Variants in CNBD1 observed in about 807,000 individuals in gnomAD.
CNBD1 encodes the protein cyclic nucleotide-binding domain-containing protein 1.
CNBD1 carries 71 observed loss-of-function variants against 54.4 expected under a neutral mutation model. The observed-to-expected ratio is 1.30, with a 90% CI of 1.08 to 1.59. The LOEUF (loss-of-function observed/expected upper bound fraction) is 1.59. Among genes scored for constraint, CNBD1 ranks in the 40% most tolerant of loss-of-function variants. CNBD1 has a pLI of 0.00. For missense variants in CNBD1, 659 were observed against 518.0 expected (o/e 1.27, Z -2.64); for synonymous variants, 182 against 170.7 (o/e 1.07, Z -0.51).
intron 8 of CNBD1, among the ~76,000 whole-genome samples, chr8:87,317,781 T>A (rs1809422938): frequency 6.6e-6 from 1 of 152,002 alleles, no homozygotes; most frequent in Admixed American, 6.6e-5. Context: ...AAATTACATC[T>A]TCAAATGCCT....
intron 3 of CNBD1, among the ~76,000 whole-genome samples, chr8:86,938,022 A>C (rs1809582147): frequency 6.6e-6 from 1 of 152,188 alleles, no homozygotes; most frequent in Admixed American, 6.5e-5. Context: ...AATGCATTTA[A>C]TAGCACCCAA....
At chr8:87,225,408 T>A (rs1342003414) in intron 5 of CNBD1, among the ~76,000 whole-genome samples, 2 of 152,086 alleles carry the variant, frequency 1.3e-5, no homozygotes, top group Admixed American at 6.5e-5. Flanking sequence ...TTTTGAAATA[T>A]GTCCCATCAA....
At chr8:87,008,854 T>C (rs915136744) in intron 4 of CNBD1, among the ~76,000 whole-genome samples, 48 of 152,206 alleles carry the variant, frequency 3.2e-4, no homozygotes, top group African/African-American at 1.2e-3. Flanking sequence ...AGTAGTTTGC[T>C]TGGGTACAAA....
intron 4 of CNBD1, among the ~76,000 whole-genome samples, chr8:87,056,994 C>T (rs531368129): frequency 2.0e-5 from 3 of 152,246 alleles, no homozygotes; most frequent in African/African-American, 7.2e-5. Flanking sequence ...GATTTGCTTC[C>T]AACCAAAAGA....
At chr8:87,402,277 C>T (rs1807578340) in intron 2 of CNBD1, among the ~76,000 whole-genome samples, 3 of 151,876 alleles carry the variant, frequency 2.0e-5, no homozygotes, top group Non-Finnish European at 2.9e-5. Context: ...ATTATGGGAG[C>T]TATAAGTCAA....
At chr8:86,968,501 A>T (rs1208508836) in intron 4 of CNBD1, among the ~76,000 whole-genome samples, 5 of 152,180 alleles carry the variant, frequency 3.3e-5, no homozygotes, top group Admixed American at 6.5e-5. Context: ...GACTAAGGCA[A>T]CTCTCAATCA....
At chr8:86,928,998 G>A (rs75467837) in intron 3 of CNBD1, among the ~76,000 whole-genome samples, 44 of 152,218 alleles carry the variant, frequency 2.9e-4, no homozygotes, top group East Asian at 1.5e-3. Context: ...TTTTTCAGTC[G>A]GGAAATACTG....
chr8:87,293,498 G>A (rs769722013), intron 8 of CNBD1, among the ~76,000 whole-genome samples: 7 of 152,260 alleles, frequency 4.6e-5, no homozygotes, highest in African/African-American at 9.6e-5. Flanking sequence ...AGCCGAGATC[G>A]TGCTGCTGCA....
chr8:87,405,984 C>T (rs1807645617), intron 2 of CNBD1, among the ~76,000 whole-genome samples: 2 of 152,012 alleles, frequency 1.3e-5, no homozygotes, highest in African/African-American at 2.4e-5. Flanking sequence ...AGTTGAAATC[C>T]CTGCAGTTTT....
chr8:87,099,949 C>A (rs560743535), intron 4 of CNBD1, among the ~76,000 whole-genome samples: 1 of 151,590 alleles, frequency 6.6e-6, no homozygotes, highest in Admixed American at 6.6e-5. Context: ...AGTGGCAAAC[C>A]CTATTTGTGG....
intron 4 of CNBD1, among the ~76,000 whole-genome samples, chr8:87,047,342 G>A (rs971260099): frequency 6.6e-6 from 1 of 152,088 alleles, no homozygotes; most frequent in Admixed American, 6.5e-5. Context: ...AGCTATCAAA[G>A]GGAACCCCAG....
At chr8:87,095,392 T>G (rs1244328208) in intron 4 of CNBD1, among the ~76,000 whole-genome samples, 1 of 152,254 alleles carries the variant, frequency 6.6e-6, no homozygotes, top group African/African-American at 2.4e-5. Flanking sequence ...GTGCTTGTTT[T>G]GGATAGTTTC....
At chr8:86,875,592 T>C (rs1236125055) in intron 1 of CNBD1, among the ~76,000 whole-genome samples, 4 of 152,246 alleles carry the variant, frequency 2.6e-5, no homozygotes, top group African/African-American at 9.6e-5. Flanking sequence ...ATCTTGTGCA[T>C]TTCTTTTATT....
At chr8:86,956,420 G>T (rs553927476) in intron 4 of CNBD1, among the ~76,000 whole-genome samples, 63 of 152,256 alleles carry the variant, frequency 4.1e-4, no homozygotes, top group African/African-American at 1.4e-3. Flanking sequence ...ATTACCTTGG[G>T]CAGTATGACC....
intron 10 of CNBD1, among the ~76,000 whole-genome samples, chr8:87,361,477 A>G (rs1309105983): frequency 6.6e-6 from 1 of 151,752 alleles, no homozygotes; most frequent in Non-Finnish European, 1.5e-5. Flanking sequence ...GCTTACCATT[A>G]ATAGATGAAA....
chr8:87,333,564 A>G (rs987264727), intron 8 of CNBD1, among the ~76,000 whole-genome samples: 1 of 152,136 alleles, frequency 6.6e-6, no homozygotes, highest in African/African-American at 2.4e-5. Flanking sequence ...TACCTAGTTT[A>G]TTGAGAGTTT....
intron 8 of CNBD1, 87 bp downstream of exon 8, chr8:87,286,758 A>C: frequency 1.1e-6 from 1 of 881,632 alleles, no homozygotes; most frequent in Admixed American, 2.8e-5. Flanking sequence ...TATTTTATAC[A>C]ATATTTCTTC....
intron 4 of CNBD1, among the ~76,000 whole-genome samples, chr8:87,196,222 T>C (rs1278565547): frequency 6.6e-6 from 1 of 152,178 alleles, no homozygotes; most frequent in Non-Finnish European, 1.5e-5. Flanking sequence ...AACTAAACTT[T>C]GTGTTAGTCT....
chr8:87,177,690 G>T (rs1813227734), intron 4 of CNBD1, among the ~76,000 whole-genome samples: 1 of 152,030 alleles, frequency 6.6e-6, no homozygotes, highest in Non-Finnish European at 1.5e-5. Flanking sequence ...TTACCCAGAA[G>T]TTCTAACTTT....
Sources: gnomAD v4.1 joint callset for allele counts (sites outside exome capture counted in the v4.1 genomes callset) on GRCh38, gnomAD v4.1.1 for gene constraint, MANE v1.5 for transcripts, NCBI Gene and HGNC (gene_info 2026-07-23, HGNC 2026-07-21) for gene names.